The following SKAP2 variants were observed in gnomAD, a reference collection of about 807,000 sequenced individuals.
SKAP2 encodes src kinase associated phosphoprotein 2, also known as src kinase-associated phosphoprotein 2.
Under a neutral mutation model 54.9 loss-of-function variants are expected in SKAP2, and 28 were observed. The ratio of observed to expected loss-of-function variants is 0.51; its 90% CI spans 0.38 to 0.70. SKAP2 has a LOEUF of 0.70. Ranked by LOEUF, SKAP2 falls within the 30% of genes least tolerant of loss-of-function variation. SKAP2 has a pLI of 0.00. For synonymous variants in SKAP2, 137 were observed against 134.3 expected (o/e 1.02, Z -0.14); for missense variants, 356 against 424.1 (o/e 0.84, Z 1.41).
At chr7:26,834,146 T>C (rs976010159) in intron 4 of SKAP2, among the ~76,000 whole-genome samples, 20 of 152,220 alleles carry the variant, frequency 1.3e-4, no homozygotes, top group African/African-American at 4.8e-4. Flanking sequence ...TTGAAACCAA[T>C]GAGAACAAAG....
At chr7:26,715,605 C>T (rs916013861) in intron 9 of SKAP2, among the ~76,000 whole-genome samples, 5 of 151,950 alleles carry the variant, frequency 3.3e-5, no homozygotes, top group South Asian at 2.1e-4. Context: ...GGTGAAACCC[C>T]GTCTCTACTA....
chr7:26,861,886 C>T (rs1245215921), intron 1 of SKAP2, among the ~76,000 whole-genome samples: 2 of 151,834 alleles, frequency 1.3e-5, no homozygotes, highest in Non-Finnish European at 2.9e-5. Flanking sequence ...ATTATTTTAA[C>T]AGTCATTATC....
chr7:26,729,617 T>C lies in SKAP2; in HGVS notation c.470-2611A>G, dbSNP rs139421273. Among the ~76,000 whole-genome samples, 1,244 of 152,184 alleles carry C rather than the reference T, an allele frequency of 8.2e-3. 18 individuals are homozygous for C. Among genetic ancestry groups the C allele is most frequent in the African/African-American group, 0.028 (1,167 of 41,546 alleles). On this transcript the variant is annotated intron_variant, in intron 6 of 12. Transcript: ENST00000345317. ...TGCAGCAGCAAAACAAATGATGTAT[T>C]AGAAGTGATAAAAAGTAGAACTAAC...
chr7:26,800,988 C>T (rs1291399780), intron 4 of SKAP2, among the ~76,000 whole-genome samples: 2 of 151,938 alleles, frequency 1.3e-5, no homozygotes, highest in East Asian at 3.9e-4. Context: ...CTTCCAAATT[C>T]ATTCTACAAG....
chr7:26,695,433 T>C (rs1786873884), intron 9 of SKAP2, among the ~76,000 whole-genome samples: 1 of 152,232 alleles, frequency 6.6e-6, no homozygotes, highest in South Asian at 2.1e-4. Flanking sequence ...CACCATTTTA[T>C]GAATATGAAA....
At chr7:26,661,875 T>C in the SKAP2 span, among the ~76,000 whole-genome samples, 19,429 of 152,194 alleles carry the variant, frequency 0.13, 1,788 homozygotes, top group African/African-American at 0.26. Flanking sequence ...TGTTTGACGC[T>C]ATTGTTGATT....
chr7:26,767,026 T>C (rs749375654), intron 4 of SKAP2, among the ~76,000 whole-genome samples: 1 of 152,218 alleles, frequency 6.6e-6, no homozygotes, highest in Non-Finnish European at 1.5e-5. Context: ...CTGTTTGGAA[T>C]AGTTTCAGAA....
intron 4 of SKAP2, among the ~76,000 whole-genome samples, chr7:26,791,073 T>C (rs569649563): frequency 8.3e-4 from 127 of 152,280 alleles, no homozygotes; most frequent in African/African-American, 3.0e-3. Context: ...GATGTACAGT[T>C]GCCAAGTAAA....
intron 10 of SKAP2, among the ~76,000 whole-genome samples, chr7:26,687,866 T>C (rs1277295554): frequency 6.6e-6 from 1 of 152,170 alleles, no homozygotes; most frequent in East Asian, 1.9e-4. Flanking sequence ...TTAAGTATGT[T>C]TAGTTGGCTT....
chr7:26,725,427 C>A lies in SKAP2; in HGVS notation c.796+1G>T. 7 of 1,606,664 alleles carry A rather than the reference C, an allele frequency of 4.4e-6. No homozygotes were observed. Among genetic ancestry groups the A allele is most frequent in the Non-Finnish European group, 6.0e-6 (7 of 1,175,702 alleles). ...TAAATGAATCACCAGAAAGTAAATA[C>A]CTGGAAGTTCTTCATAAATTTCATC... is the stretch of plus-strand genomic sequence containing the variant. On this transcript the variant is annotated splice_donor_variant, in intron 9 of 12. Transcript: ENST00000345317. LOFTEE classifies it high-confidence loss of function.
At position 26,843,434 on chromosome 7, in the gene SKAP2, A is replaced by G. The variant is rs563174184; in HGVS notation, c.307+596T>C. On this transcript the variant is annotated intron_variant, in intron 4 of 12. Transcript: ENST00000345317. The stretch of plus-strand genomic sequence containing the variant: ...AGTTTCATAACTTTGGCAACATTCA[A>G]TAGCTTTTAGAAATTACTAAGAGAT... 1.8e-4 allele frequency among the ~76,000 whole-genome samples: 27 copies of G among 152,180 alleles called. No homozygotes were observed. In the East Asian group the frequency reaches 5.2e-3, roughly 29 times the overall value.
intron 4 of SKAP2, among the ~76,000 whole-genome samples, chr7:26,794,807 G>T (rs1194541090): frequency 6.6e-6 from 1 of 152,092 alleles, no homozygotes; most frequent in Non-Finnish European, 1.5e-5. Flanking sequence ...CGCAGCACTG[G>T]ACTGTAGGAA....
At chr7:26,689,629 G>A (rs1331787698) in intron 10 of SKAP2, among the ~76,000 whole-genome samples, 1 of 152,124 alleles carries the variant, frequency 6.6e-6, no homozygotes, top group African/African-American at 2.4e-5. Context: ...CTGGACTCTG[G>A]CATTTCTTAC....
intron 4 of SKAP2, among the ~76,000 whole-genome samples, chr7:26,799,129 G>A (rs1012060140): frequency 2.0e-5 from 3 of 151,188 alleles, no homozygotes; most frequent in African/African-American, 7.3e-5. Context: ...GCAAGGCAAG[G>A]CAAGGCAAGG....
chr7:26,742,375 G>A lies in SKAP2; in HGVS notation c.308-2411C>T, dbSNP rs559032076. 2.0e-5 allele frequency: 3 copies of A among 152,208 alleles called. No individual in the cohort carries two copies. In the East Asian group the frequency reaches 5.8e-4, roughly 29 times the overall value. 9.4% of individuals were successfully genotyped at this position (152,208 alleles called of 1,614,324 possible). ...TAGCTTTCAACTCTAAAATGTTACT[G>A]GTCAAAAAGGAGACAGAGAGAGATG... On this transcript the variant is annotated intron_variant, in intron 4 of 12. Transcript: ENST00000345317.
chr7:26,726,794 G>A, intron 7 of SKAP2, 88 bp downstream of exon 7: 1 of 1,036,028 alleles, frequency 9.7e-7, no homozygotes, highest in Non-Finnish European at 1.4e-6. Flanking sequence ...AACATGTCAA[G>A]GAAAGTATTA....
At chr7:26,773,299 C>T (rs1038704711) in intron 4 of SKAP2, among the ~76,000 whole-genome samples, 6 of 152,170 alleles carry the variant, frequency 3.9e-5, no homozygotes. Flanking sequence ...AGGTGAAAAC[C>T]TTCTTTTTTC....
At position 26,691,410 on chromosome 7, in the gene SKAP2, T is replaced by C. The variant is rs568733032; in HGVS notation, c.797-1048A>G. On this transcript the variant is annotated intron_variant, in intron 9 of 12. Coordinates refer to ENST00000345317, the MANE Select transcript of SKAP2 (RefSeq NM_003930.5). ...ATGGCATGCCAAAGAAAAACTGGAT[T>C]CAAAGAGAATCATAATTTCAAGAAA... 2.0e-5 allele frequency among the ~76,000 whole-genome samples: 3 copies of C among 152,238 alleles called. No individual in the cohort carries two copies. The East Asian group carries it at 5.8e-4, about 29-fold the overall frequency.
chr7:26,691,014 A>G (rs1381297465), intron 9 of SKAP2, among the ~76,000 whole-genome samples: 1 of 152,198 alleles, frequency 6.6e-6, no homozygotes, highest in Non-Finnish European at 1.5e-5. Context: ...TGTCATATAC[A>G]ATGCTGGATG....
Sources: gnomAD v4.1 joint callset for allele counts (sites outside exome capture counted in the v4.1 genomes callset) on GRCh38, gnomAD v4.1.1 for gene constraint, MANE v1.5 for transcripts, NCBI Gene and HGNC (gene_info 2026-07-23, HGNC 2026-07-21) for gene names.